CEP128: variants seen among roughly 807,000 people sequenced by gnomAD.
CEP128 encodes centrosomal protein 128, also known as centrosomal protein 128kDa.
CEP128 carries 132 observed loss-of-function variants against 156.7 expected under a neutral mutation model. The ratio of observed to expected loss-of-function variants is 0.84; its 90% CI spans 0.73 to 0.97. The LOEUF (loss-of-function observed/expected upper bound fraction) is 0.97. Among genes scored for constraint, CEP128 ranks in the 50% least tolerant of loss-of-function variants. The pLI, the probability that CEP128 is intolerant of heterozygous loss-of-function variation, is 0.00. For missense variants in CEP128, 1,252 were observed against 1,281.9 expected, an observed-to-expected ratio of 0.98 and a Z score of 0.36; for synonymous variants, 469 against 448.9, an observed-to-expected ratio of 1.04 and a Z score of -0.57.
At chr14:80,892,673 T>C (rs1889157509) in intron 8 of CEP128, among the ~76,000 whole-genome samples, 1 of 151,030 alleles carries the variant, frequency 6.6e-6, no homozygotes. Context: ...TACCCAAAAT[T>C]TACAAAGAAC....
In CEP128 at chr14:80,840,708, T is replaced by C. The variant is rs772645010; in HGVS notation, c.823A>G (p.Arg275Gly). Residue 275 changes from arginine to glycine, a missense_variant, in exon 10 of 25, where the codon AGA becomes GGA. Coordinates refer to ENST00000555265, the MANE Select transcript of CEP128 (RefSeq NM_152446.5). ...TGATTCTTCTCAGTTTCAGTTTGTC[T>C]TAGCTTATTTTTTATTGCCCCCTCA... ...EHEGAIKNKL[R>G]QTETEKNQLE... 1.9e-6 allele frequency: 3 copies of C among 1,610,024 alleles called. No individual in the cohort carries two copies. The East Asian group carries it at 6.7e-5, about 36-fold the overall frequency.
At chr14:80,769,762 T>C (rs1267687239) in intron 16 of CEP128, among the ~76,000 whole-genome samples, 1 of 152,244 alleles carries the variant, frequency 6.6e-6, no homozygotes, top group African/African-American at 2.4e-5. Flanking sequence ...CTAAAATTTA[T>C]TGATTATTGC....
chr14:80,667,782 C>T (rs190296890), intron 19 of CEP128, among the ~76,000 whole-genome samples: 4 of 145,194 alleles, frequency 2.8e-5, no homozygotes, highest in East Asian at 2.1e-4. Context: ...GGCATGAACC[C>T]GGGAGGCAGA....
At chr14:80,893,760 A>G (rs1260889100) in intron 8 of CEP128, among the ~76,000 whole-genome samples, 3 of 151,974 alleles carry the variant, frequency 2.0e-5, no homozygotes, top group Non-Finnish European at 4.4e-5. Context: ...GAGTTACTCT[A>G]TCCCTATCAC....
At chr14:80,894,829 T>C (rs926814865) in intron 8 of CEP128, among the ~76,000 whole-genome samples, 2 of 151,946 alleles carry the variant, frequency 1.3e-5, no homozygotes, top group African/African-American at 2.4e-5. Flanking sequence ...TCCTAGCACA[T>C]TCAGCCAATA....
chr14:80,532,942 A>G (rs957843243), intron 21 of CEP128, among the ~76,000 whole-genome samples: 2 of 152,156 alleles, frequency 1.3e-5, no homozygotes, highest in Non-Finnish European at 2.9e-5. Flanking sequence ...TCTCTTTTTC[A>G]AGTTCCATTG....
At position 80,550,065 on chromosome 14, in the gene CEP128, T is replaced by A. The variant is rs1214479883; in HGVS notation, c.2880+9214A>T. 2.0e-5 allele frequency among the ~76,000 whole-genome samples: 3 copies of A among 152,188 alleles called. No individual in the cohort carries two copies. In the East Asian group the frequency reaches 5.8e-4, roughly 29 times the overall value. ...ATATGCTTCAGACTTCACAGTGTTT[T>A]TAAAAGAAAAATCATATTTCTAAGA... On this transcript the variant is annotated intron_variant, in intron 21 of 24. Transcript: ENST00000555265.
intron 19 of CEP128, among the ~76,000 whole-genome samples, chr14:80,670,842 C>CA (rs1895811137): frequency 6.6e-6 from 1 of 151,612 alleles, no homozygotes; most frequent in Admixed American, 6.6e-5. Context: ...TTTTAGTACA[C>CA]AAAAAAGGAA....
intron 19 of CEP128, among the ~76,000 whole-genome samples, chr14:80,684,841 A>T (rs1412937686): frequency 3.9e-5 from 6 of 152,082 alleles, no homozygotes; most frequent in South Asian, 2.1e-4. Context: ...ACAAAATTTT[A>T]AAAAAATACG....
rs79507062 is a variant in CEP128 at position 80,906,823 on chromosome 14, G to A, written c.235-742C>T. 8.0e-3 allele frequency among the ~76,000 whole-genome samples: 1,223 copies of A among 151,940 alleles called. 20 individuals are homozygous for A. The highest frequency in any genetic ancestry group is 0.028 in the African/African-American group (1,176 of 41,440). ...AAGAGGATTCGACTAAGACCCAAGGGAAAAAAAATTAAAGCTGAAGAAAAT... is the reference window on the plus strand; with the variant it reads ...AAGAGGATTCGACTAAGACCCAAGGAAAAAAAAATTAAAGCTGAAGAAAAT... On this transcript the variant is annotated intron_variant, in intron 4 of 24. Coordinates refer to ENST00000555265, the MANE Select transcript of CEP128 (RefSeq NM_152446.5).
intron 19 of CEP128, among the ~76,000 whole-genome samples, chr14:80,719,980 C>T (rs754135533): frequency 1.3e-5 from 2 of 151,920 alleles, no homozygotes; most frequent in Non-Finnish European, 2.9e-5. Context: ...TAATAGGTTG[C>T]AAAGATAGAA....
At chr14:80,560,544 G>A (rs1213202975) in intron 20 of CEP128, among the ~76,000 whole-genome samples, 2 of 152,212 alleles carry the variant, frequency 1.3e-5, no homozygotes, top group African/African-American at 2.4e-5. Flanking sequence ...CAACTTGACT[G>A]TATACACGGA....
chr14:80,824,754 G>A (rs553112467), intron 13 of CEP128, among the ~76,000 whole-genome samples: 4 of 152,246 alleles, frequency 2.6e-5, no homozygotes, highest in African/African-American at 7.2e-5. Flanking sequence ...AGTTCCAAAC[G>A]TTCCCACATT....
chr14:80,792,653 A>C (rs1334962361), intron 14 of CEP128, 107 bp downstream of exon 14: 1 of 824,432 alleles, frequency 1.2e-6, no homozygotes, highest in Non-Finnish European at 2.0e-6. Context: ...TATCAAGGAC[A>C]TATTGATTAT....
intron 19 of CEP128, among the ~76,000 whole-genome samples, chr14:80,620,916 G>A (rs1283315177): frequency 6.6e-6 from 1 of 152,166 alleles, no homozygotes; most frequent in African/African-American, 2.4e-5. Flanking sequence ...GATGAAAAGT[G>A]TGCAGAAAAT....
At chr14:80,643,491 G>C (rs1894507126) in intron 19 of CEP128, among the ~76,000 whole-genome samples, 1 of 152,108 alleles carries the variant, frequency 6.6e-6, no homozygotes, top group Non-Finnish European at 1.5e-5. Flanking sequence ...GGTCAAGATG[G>C]GTGGATCATG....
chr14:80,663,349 C>T (rs1268557223), intron 19 of CEP128, among the ~76,000 whole-genome samples: 2 of 152,122 alleles, frequency 1.3e-5, no homozygotes, highest in East Asian at 1.9e-4. Context: ...CTGATGTCAA[C>T]GGGACCAGGC....
intron 20 of CEP128, among the ~76,000 whole-genome samples, chr14:80,578,757 C>G (rs1891464345): frequency 6.6e-6 from 1 of 152,182 alleles, no homozygotes; most frequent in Non-Finnish European, 1.5e-5. Context: ...GGATTTTCCT[C>G]TAGCCTTTAA....
downstream of CEP128, among the ~76,000 whole-genome samples, chr14:80,496,280 A>G (rs1416410373): frequency 5.3e-5 from 8 of 152,320 alleles, no homozygotes; most frequent in South Asian, 1.4e-3. Flanking sequence ...CAGGTTACAT[A>G]GCTTGTGTTA....
Sources: allele counts gnomAD v4.1 joint callset (sites outside exome capture counted in the v4.1 genomes callset), GRCh38; gene constraint gnomAD v4.1.1; transcripts MANE v1.5; gene names NCBI Gene and HGNC (gene_info 2026-07-23, HGNC 2026-07-21).